The following UNC45A variants were observed in gnomAD, a reference collection of about 807,000 sequenced individuals.
The protein encoded by UNC45A is unc-45 myosin chaperone A, also known as protein unc-45 homolog A.
Under a neutral mutation model 103.2 loss-of-function variants are expected in UNC45A, and 78 were observed. The observed-to-expected ratio is 0.76, with a 90% confidence interval of 0.63 to 0.91. The LOEUF (loss-of-function observed/expected upper bound fraction) is 0.91. Ranked by LOEUF, UNC45A falls within the 40% of genes least tolerant of loss-of-function variation. UNC45A has a pLI of 0.00. For missense variants in UNC45A, 1,193 were observed against 1,224.8 expected (o/e 0.97, Z 0.39); for synonymous variants, 495 against 504.6 (o/e 0.98, Z 0.25).
rs768590210 is a variant in UNC45A, at chr15:90,943,072, C to T, written c.1017C>T (p.Val339=). Residue 339 remains valine, a synonymous_variant, in exon 8 of 20, where the codon GTC becomes GTT. Coordinates refer to ENST00000418476, the MANE Select transcript of UNC45A (RefSeq NM_018671.5). ...CCAACAACAGCCTCACCCTCTGGGTCATCGACCAAGGTAGGTGATATAGTT... is the reference window on the plus strand; with the variant it reads ...CCAACAACAGCCTCACCCTCTGGGTTATCGACCAAGGTAGGTGATATAGTT... ...KDPNNSLTLW[V]IDQGLKKILE... The T allele has an allele frequency of 6.2e-7, 1 of 1,611,650 alleles. No individual in the cohort carries two copies. The highest frequency in any genetic ancestry group is 8.5e-7 in the Non-Finnish European group (1 of 1,178,706).
intron 13 of UNC45A, 21 bp from the exon 14 acceptor site, chr15:90,949,295 C>A (rs372684754): frequency 1.9e-6 from 3 of 1,607,786 alleles, no homozygotes; most frequent in Non-Finnish European, 2.5e-6. Context: ...GGCCCCTCTC[C>A]TAAGCTGCCT....
In UNC45A at chr15:90,935,390, C is replaced by T. The variant is rs2035953292; in HGVS notation, c.51+15C>T. On this transcript the variant is annotated intron_variant, in intron 1 of 19. Transcript: ENST00000418476. The stretch of plus-strand genomic sequence containing the variant: ...CCACCCCCGGGGTGCGTACCCAACC[C>T]CCGCGCCATCACCCCTTCGCACCCG... 1 of 1,588,496 alleles carries T rather than the reference C, an allele frequency of 6.3e-7. No homozygotes were observed. Among genetic ancestry groups the T allele is most frequent in the Admixed American group, 1.8e-5 (1 of 57,074 alleles).
intron 8 of UNC45A, among the ~76,000 whole-genome samples, chr15:90,943,983 CCT>C (rs2036425744): frequency 7.4e-6 from 1 of 134,644 alleles, no homozygotes; most frequent in Non-Finnish European, 1.5e-5. Flanking sequence ...GCCATTGTGC[CCT>C]GTTTTTTTTT....
chr15:90,935,409 G>A (rs764604252), intron 1 of UNC45A, 34 bp downstream of exon 1: 1 of 1,580,752 alleles, frequency 6.3e-7, no homozygotes, highest in Admixed American at 1.8e-5. Flanking sequence ...TCACCCCTTC[G>A]CACCCGCCCT....
At chr15:90,934,988 TTGTGACCCTGA>T (rs2035927856), upstream of UNC45A, 2 of 526,070 alleles carry the variant, frequency 3.8e-6, no homozygotes, top group Non-Finnish European at 3.3e-6. Context: ...AACCTACTGG[TTGTGACCCTGA>T]TGACCGTAGA....
intron 17 of UNC45A, among the ~76,000 whole-genome samples, chr15:90,952,061 C>T (rs1257536531): frequency 1.3e-5 from 2 of 152,188 alleles, no homozygotes; most frequent in Non-Finnish European, 2.9e-5. Context: ...GGCTAAGAAG[C>T]ACTGTAGTTC....
rs558915635 is a variant in UNC45A at position 90,939,439 on chromosome 15, G to A, written c.427-292G>A. On this transcript the variant is annotated intron_variant, in intron 4 of 19. Transcript: ENST00000418476. ...GCCACAATGTAGATGGCACCACTGG[G>A]AGTGGGTTGCCTCGTAGCTGACAGG... Among the ~76,000 whole-genome samples the A allele has an allele frequency of 2.4e-4, 36 of 152,342 alleles. No individual in the cohort carries two copies. The South Asian group carries it at 3.1e-3, about 13-fold the overall frequency.
intron 2 of UNC45A, 24 bp from the exon 3 acceptor site, chr15:90,935,922 C>T (rs1389801482): frequency 1.2e-6 from 2 of 1,614,040 alleles, no homozygotes; most frequent in Non-Finnish European, 1.7e-6. Context: ...ACCATTCCTT[C>T]AGGCTCCTGT....
chr15:90,943,986 G>GTTTTTTTTT (rs953436599), intron 8 of UNC45A, among the ~76,000 whole-genome samples: 202 of 78,324 alleles, frequency 2.6e-3, no homozygotes, highest in East Asian at 3.5e-3. Context: ...ATTGTGCCCT[G>GTTTTTTTTT]TTTTTTTTTT....
chr15:90,934,131 A>G (rs2151351511), upstream of UNC45A: 1 of 398,770 alleles, frequency 2.5e-6, no homozygotes, highest in Non-Finnish European at 4.4e-6. Context: ...TGTCCAGCCA[A>G]CCTCTCTCTC....
chr15:90,944,900 A>G lies in UNC45A; in HGVS notation c.1036A>G (p.Lys346Glu), dbSNP rs748236066. The G allele has an allele frequency of 3.1e-6, 5 of 1,612,010 alleles. No homozygotes were observed. The East Asian group carries it at 1.1e-4, about 36-fold the overall frequency. The change falls in exon 9 of 20, where the codon AAG becomes GAG. Residue 346 changes from lysine (K) to glutamate (E), a missense_variant. Transcript: ENST00000418476. ...GCGGGGTGTCTTTACAGGTCTGAAA[A>G]AGATTTTGGAAGTGGGGGGCTCTCT... ...TLWVIDQGLK[K>E]ILEVGGSLQD...
intron 12 of UNC45A, 96 bp downstream of exon 12, chr15:90,948,379 A>G: frequency 6.5e-7 from 1 of 1,546,270 alleles, no homozygotes; most frequent in South Asian, 1.2e-5. Context: ...GGGTCTTTTG[A>G]CCCCAGGGAA....
chr15:90,949,440 C>A lies in UNC45A; in HGVS notation c.2003C>A (p.Ser668Tyr), dbSNP rs144806267. ...ACCAGTTCCTGCAGAGAGCTGCTCT[C>A]CAGGTGAGCCAGCCTTGGTAGGAGC... The part of the protein sequence containing the change: ...VLTSSCRELL[S>Y]RVFLALVEEV... Residue 668 changes from serine to tyrosine, a missense_variant, in exon 14 of 20, where the codon TCC becomes TAC. Ser to Tyr is a moderately radical substitution (Grantham distance 144). Transcript: ENST00000418476. The A allele has an allele frequency of 4.2e-5, 67 of 1,613,458 alleles. No individual in the cohort carries two copies. Among genetic ancestry groups the A allele is most frequent in the African/African-American group, 8.0e-5 (6 of 74,918 alleles).
At chr15:90,952,022 C>A (rs1367415101) in intron 17 of UNC45A, among the ~76,000 whole-genome samples, 1 of 152,224 alleles carries the variant, frequency 6.6e-6, no homozygotes, top group African/African-American at 2.4e-5. Flanking sequence ...TTCCCACAAT[C>A]CTATGCTATT....
chr15:90,951,811 G>C (rs996910753), intron 17 of UNC45A, among the ~76,000 whole-genome samples: 4 of 152,078 alleles, frequency 2.6e-5, no homozygotes, highest in African/African-American at 9.7e-5. Context: ...CCAGCTACTC[G>C]AGAGGCTGAG....
intron 15 of UNC45A, 175 bp from the exon 16 acceptor site, chr15:90,949,979 A>G (rs943632792): frequency 8.7e-6 from 6 of 688,126 alleles, no homozygotes; most frequent in Non-Finnish European, 1.5e-5. Context: ...AGCACAATCC[A>G]TGTCCAGCCC....
chr15:90,939,338 C>T (rs908426860), intron 4 of UNC45A, among the ~76,000 whole-genome samples: 1 of 152,226 alleles, frequency 6.6e-6, no homozygotes, highest in African/African-American at 2.4e-5. Flanking sequence ...GTGTTAGCAA[C>T]TACCTCACGA....
In UNC45A at chr15:90,938,860, C is replaced by T. The variant is rs28559799; in HGVS notation, c.427-871C>T. Reference sequence around the variant, plus strand: ...CTAATTTTTATATTTTTAGTAGAGACGGGGTTTCACCATGTTGGCCAGGCT... The same window carrying T: ...CTAATTTTTATATTTTTAGTAGAGATGGGGTTTCACCATGTTGGCCAGGCT... On this transcript the variant is annotated intron_variant, in intron 4 of 19. Coordinates refer to ENST00000418476, the MANE Select transcript of UNC45A (RefSeq NM_018671.5). Among the ~76,000 whole-genome samples the T allele has an allele frequency of 6.0e-3, 900 of 150,680 alleles. 9 individuals carry two copies. Among genetic ancestry groups the T allele is most frequent in the African/African-American group, 0.021 (845 of 40,922 alleles).
upstream of UNC45A, chr15:90,934,297 G>C (rs1030040333): frequency 1.0e-5 from 4 of 398,894 alleles, no homozygotes; most frequent in African/African-American, 8.2e-5. Context: ...CTGTGGAAAG[G>C]CCCCTCCTGC....
Sources: allele counts gnomAD v4.1 joint callset (sites outside exome capture counted in the v4.1 genomes callset), GRCh38; gene constraint gnomAD v4.1.1; transcripts MANE v1.5; gene names NCBI Gene and HGNC (gene_info 2026-07-23, HGNC 2026-07-21).